Variants in HIPK2 observed in about 807,000 individuals in gnomAD.
The protein encoded by HIPK2 is homeodomain-interacting protein kinase 2.
Under a neutral mutation model 113.7 loss-of-function variants are expected in HIPK2, and 27 were observed. The ratio of observed to expected loss-of-function variants is 0.24; its 90% CI spans 0.17 to 0.33. The LOEUF (loss-of-function observed/expected upper bound fraction) is 0.33. Among genes scored for constraint, HIPK2 ranks in the 10% least tolerant of loss-of-function variants. The pLI is 1.00. For synonymous variants in HIPK2, 631 were observed against 642.2 expected, an observed-to-expected ratio of 0.98 and a Z score of 0.26; for missense variants, 1,257 against 1,588.0, an observed-to-expected ratio of 0.79 and a Z score of 3.54.
chr7:139,692,022 A>G (rs890007173), intron 2 of HIPK2, among the ~76,000 whole-genome samples: 4 of 152,230 alleles, frequency 2.6e-5, no homozygotes, highest in Non-Finnish European at 4.4e-5. Flanking sequence ...ACGCATTCAT[A>G]TATTAAAAAA....
chr7:139,703,989 A>AAC (rs1794799562), intron 2 of HIPK2, among the ~76,000 whole-genome samples: 1 of 95,624 alleles, frequency 1.0e-5, no homozygotes, highest in Non-Finnish European at 2.0e-5. Flanking sequence ...AACCACACCC[A>AAC]ACACACACCA....
At position 139,672,923 on chromosome 7, in the gene HIPK2, C is replaced by G. The variant is rs138620420; in HGVS notation, c.1104-41198G>C. Among the ~76,000 whole-genome samples the G allele has an allele frequency of 1.3e-3, 201 of 152,216 alleles. 3 individuals are homozygous for G. Among genetic ancestry groups the G allele is most frequent in the Admixed American group, 0.011 (165 of 15,276 alleles). ...CACTATTCTCAGTCATGGTATGACT[C>G]AATGTTTTAGAACTTAGTATCCTCC... is the stretch of plus-strand genomic sequence containing the variant. On this transcript the variant is annotated intron_variant, in intron 2 of 14. Transcript: ENST00000406875.
At chr7:139,717,399 G>A (rs764120110) in intron 1 of HIPK2, among the ~76,000 whole-genome samples, 2 of 152,090 alleles carry the variant, frequency 1.3e-5, no homozygotes, top group Non-Finnish European at 2.9e-5. Context: ...CACGTACTTC[G>A]TTGCCCACAT....
chr7:139,685,202 A>C (rs1380686011), intron 2 of HIPK2, among the ~76,000 whole-genome samples: 1 of 152,106 alleles, frequency 6.6e-6, no homozygotes, highest in African/African-American at 2.4e-5. Flanking sequence ...ACAGGGTCTC[A>C]CTCTGTCGCT....
Position 139,572,843 on chromosome 7 carries a change from G to T in HIPK2, c.*84C>A. On this transcript the variant is annotated 3_prime_UTR_variant, in exon 15 of 15. Transcript: ENST00000406875. ...TTCAGTATAAAAGGCCAGCGCCCAC[G>T]GTCCCAGGAGCGCCTCCCTCCTTCT... 1.0e-6 allele frequency: 1 copy of T among 987,356 alleles called. No individual in the cohort carries two copies. The highest frequency in any genetic ancestry group is 1.3e-6 in the Non-Finnish European group (1 of 772,116). The allele number at this position is 987,356 out of a possible 1,614,324, so 61.2% of individuals were successfully genotyped here. A position where few individuals can be genotyped will look rare whatever the true frequency, so the allele number is the denominator to read the frequency against.
In HIPK2 at chr7:139,565,676, A is replaced by T. The variant is rs903969079; in HGVS notation, c.*7251T>A. 1.2e-4 allele frequency: 18 copies of T among 151,458 alleles called. 1 individual carries two copies. The highest frequency in any genetic ancestry group is 4.4e-4 in the African/African-American group (18 of 41,274). 9.4% of individuals were successfully genotyped at this position (151,458 alleles called of 1,614,324 possible). A position where few individuals can be genotyped will look rare whatever the true frequency, so the allele number is the denominator to read the frequency against. On this transcript the variant is annotated 3_prime_UTR_variant, in exon 15 of 15. Transcript: ENST00000406875. ...AAAGAAAACATTCTTTTGTTCCTCT[A>T]AGTCTTGTCTTTCTTCCACCTCTAC...
At chr7:139,609,850 G>A (rs1034664871) in intron 9 of HIPK2, among the ~76,000 whole-genome samples, 1 of 152,140 alleles carries the variant, frequency 6.6e-6, no homozygotes, top group African/African-American at 2.4e-5. Context: ...AGAAATCTCT[G>A]CATGTCAAGA....
At chr7:139,579,876 G>C (rs922331361) in intron 13 of HIPK2, among the ~76,000 whole-genome samples, 1 of 152,078 alleles carries the variant, frequency 6.6e-6, no homozygotes, top group Non-Finnish European at 1.5e-5. Context: ...GGGAGATCCG[G>C]AATCAGTATT....
At chr7:139,609,604 C>G (rs976462139) in intron 9 of HIPK2, among the ~76,000 whole-genome samples, 8 of 152,138 alleles carry the variant, frequency 5.3e-5, no homozygotes, top group Admixed American at 1.3e-4. Flanking sequence ...AAAAACGAAG[C>G]CTTCAGTTTA....
chr7:139,629,090 C>G, intron 4 of HIPK2, 51 bp from the exon 5 acceptor site: 1 of 1,460,494 alleles, frequency 6.8e-7, no homozygotes, highest in Non-Finnish European at 9.4e-7. Context: ...CTCCTCATCA[C>G]TGGGACTCAA....
chr7:139,573,028 G>C lies in HIPK2; in HGVS notation c.3496C>G (p.Gln1166Glu). The C allele has an allele frequency of 6.2e-7, 1 of 1,612,596 alleles. No homozygotes were observed. The highest frequency in any genetic ancestry group is 8.5e-7 in the Non-Finnish European group (1 of 1,179,486). ...PTIHPSQYPAQFAHQTYISAS... is the reference protein window; with the variant it reads ...PTIHPSQYPAEFAHQTYISAS... ...CTGATGTAGGTCTGGTGGGCAAATT[G>C]GGCTGGATACTGACTCGGGTGGATG... The change falls in exon 15 of 15, where the codon CAA (glutamine) becomes GAA (glutamate). Residue 1166 changes from glutamine to glutamate, a missense_variant. This residue lies in a region of HIPK2 where 862 missense variants were observed against 1,004.3 expected (regional missense o/e 0.86). Transcript: ENST00000406875.
intron 5 of HIPK2, among the ~76,000 whole-genome samples, chr7:139,627,287 T>C (rs964270194): frequency 6.8e-6 from 1 of 147,228 alleles, no homozygotes; most frequent in African/African-American, 2.5e-5. Flanking sequence ...ACAAATAAGA[T>C]ACAAAAAAGT....
intron 2 of HIPK2, among the ~76,000 whole-genome samples, chr7:139,672,808 C>T (rs114708233): frequency 0.016 from 2,429 of 152,260 alleles, 64 homozygotes; most frequent in African/African-American, 0.056. Context: ...AATCACTGAA[C>T]CAGAATCATA....
chr7:139,668,743 T>C (rs746869875), intron 2 of HIPK2, among the ~76,000 whole-genome samples: 2 of 152,232 alleles, frequency 1.3e-5, no homozygotes, highest in Non-Finnish European at 2.9e-5. Context: ...TTACAAATGC[T>C]ATTCAAAATT....
At chr7:139,702,418 C>T (rs1460970606) in intron 2 of HIPK2, among the ~76,000 whole-genome samples, 2 of 152,314 alleles carry the variant, frequency 1.3e-5, no homozygotes, top group East Asian at 1.9e-4. Flanking sequence ...GTGCATATCC[C>T]GGGTCGAGCT....
intron 9 of HIPK2, among the ~76,000 whole-genome samples, chr7:139,605,596 T>C (rs1311145833): frequency 2.0e-5 from 3 of 152,168 alleles, no homozygotes; most frequent in Non-Finnish European, 4.4e-5. Context: ...CATTGACGCT[T>C]ATAAAAATGA....
At chr7:139,763,477 C>CG (rs1016021513) in intron 1 of HIPK2, among the ~76,000 whole-genome samples, 2 of 124,538 alleles carry the variant, frequency 1.6e-5, no homozygotes, top group African/African-American at 7.4e-5. Context: ...AACACGCCCC[C>CG]CCCCCCACAC....
At chr7:139,738,516 G>A (rs950266273) in intron 1 of HIPK2, among the ~76,000 whole-genome samples, 6 of 152,152 alleles carry the variant, frequency 3.9e-5, no homozygotes, top group East Asian at 1.9e-4. Flanking sequence ...GGATGGTGCC[G>A]GAATAAAGCA....
At chr7:139,708,509 C>A (rs1794972842) in intron 2 of HIPK2, among the ~76,000 whole-genome samples, 1 of 152,190 alleles carries the variant, frequency 6.6e-6, no homozygotes. Flanking sequence ...GTCCTTAGAT[C>A]CCACTTGGAA....
Sources: allele counts gnomAD v4.1 joint callset (sites outside exome capture counted in the v4.1 genomes callset), GRCh38; gene constraint gnomAD v4.1.1; regional missense constraint gnomAD v4.1.1; transcripts MANE v1.5; gene names NCBI Gene and HGNC (gene_info 2026-07-23, HGNC 2026-07-21).